AGPS: variants seen among roughly 807,000 people sequenced by gnomAD.
The protein encoded by AGPS is alkyldihydroxyacetonephosphate synthase, peroxisomal.
A neutral mutation model predicts 90.7 loss-of-function variants in AGPS; 26 were observed. The ratio of observed to expected loss-of-function variants is 0.29; its 90% CI spans 0.21 to 0.40. The LOEUF (loss-of-function observed/expected upper bound fraction) is 0.40, where lower values mean the gene tolerates loss of function less well. Among genes scored for constraint, AGPS ranks in the 10% least tolerant of loss-of-function variants. The pLI is 1.00. For missense variants in AGPS, 540 were observed against 816.1 expected (o/e 0.66, Z 4.12); for synonymous variants, 294 against 285.3 (o/e 1.03, Z -0.31).
chr2:177,471,386 C>G (rs1687620431), intron 10 of AGPS, among the ~76,000 whole-genome samples: 1 of 151,920 alleles, frequency 6.6e-6, no homozygotes, highest in African/African-American at 2.4e-5. Flanking sequence ...ATGTGTTTGT[C>G]TTGTTTTGTG....
chr2:177,414,372 T>A (rs1308320884), intron 1 of AGPS, among the ~76,000 whole-genome samples: 1 of 151,850 alleles, frequency 6.6e-6, no homozygotes, highest in Non-Finnish European at 1.5e-5. Flanking sequence ...CACCTGGCTT[T>A]TATTTTATTT....
chr2:177,489,035 G>C (rs1688174783), intron 11 of AGPS, among the ~76,000 whole-genome samples: 1 of 151,650 alleles, frequency 6.6e-6, no homozygotes, highest in Admixed American at 6.6e-5. Flanking sequence ...TGACAAGTAA[G>C]AGCTATGACT....
At chr2:177,519,316 G>A (rs1689113957) in intron 17 of AGPS, among the ~76,000 whole-genome samples, 2 of 152,000 alleles carry the variant, frequency 1.3e-5, no homozygotes, top group African/African-American at 2.4e-5. Context: ...TTCTTTGTCA[G>A]TCTCCATTTA....
At chr2:177,479,769 G>C (rs759209182) in intron 10 of AGPS, among the ~76,000 whole-genome samples, 4 of 152,342 alleles carry the variant, frequency 2.6e-5, no homozygotes, top group Non-Finnish European at 5.9e-5. Flanking sequence ...GCTAGGGTGT[G>C]GGAGTAGAAA....
chr2:177,437,173 T>A, intron 5 of AGPS, 119 bp downstream of exon 5: 2 of 963,352 alleles, frequency 2.1e-6, no homozygotes, highest in Non-Finnish European at 3.3e-6. Context: ...GCTGTATTTT[T>A]AAGAGAGTTT....
At chr2:177,517,479 A>T (rs1358764225) in intron 17 of AGPS, among the ~76,000 whole-genome samples, 9 of 152,092 alleles carry the variant, frequency 5.9e-5, no homozygotes, top group African/African-American at 2.2e-4. Flanking sequence ...CTCATATCTC[A>T]TACTTATTTC....
intron 8 of AGPS, among the ~76,000 whole-genome samples, chr2:177,450,665 G>C (rs1686910660): frequency 1.3e-5 from 2 of 151,870 alleles, no homozygotes; most frequent in Non-Finnish European, 2.9e-5. Flanking sequence ...TATACTGTTT[G>C]GATTACTATA....
chr2:177,506,219 C>CT (rs11410662), intron 15 of AGPS, among the ~76,000 whole-genome samples: 127,797 of 151,180 alleles, frequency 0.85, 54,217 homozygotes, highest in East Asian at 0.98. Flanking sequence ...GCTGGGGTTA[C>CT]TTTTTTTATT....
chr2:177,432,234 A>G (rs140560262), intron 2 of AGPS, among the ~76,000 whole-genome samples: 237 of 152,300 alleles, frequency 1.6e-3, no homozygotes, highest in African/African-American at 5.3e-3. Flanking sequence ...CTTCTATAAT[A>G]TAGTCTATTT....
intron 19 of AGPS, among the ~76,000 whole-genome samples, chr2:177,525,766 A>G (rs916349644): frequency 6.6e-6 from 1 of 152,196 alleles, no homozygotes; most frequent in African/African-American, 2.4e-5. Context: ...TGCATTACAG[A>G]GGAAAACCAA....
At chr2:177,420,768 C>T (rs974908886) in intron 2 of AGPS, among the ~76,000 whole-genome samples, 6 of 151,756 alleles carry the variant, frequency 4.0e-5, no homozygotes, top group Non-Finnish European at 8.9e-5. Flanking sequence ...ATTCCCATGC[C>T]ATTCAGTTTT....
intron 8 of AGPS, among the ~76,000 whole-genome samples, chr2:177,447,614 TA>T (rs1686817001): frequency 6.6e-6 from 1 of 150,602 alleles, no homozygotes; most frequent in African/African-American, 2.4e-5. Context: ...TTTTTTTTTT[TA>T]AAGGTTAGAA....
intron 12 of AGPS, among the ~76,000 whole-genome samples, chr2:177,496,403 T>TA (rs1688414663): frequency 6.6e-6 from 1 of 152,180 alleles, no homozygotes; most frequent in Non-Finnish European, 1.5e-5. Context: ...GTTTTGATGA[T>TA]ACGTTATTTC....
At position 177,505,516 on chromosome 2, in the gene AGPS, G is replaced by C; in HGVS notation, c.1486G>C (p.Ala496Pro). ...GTTCTTTAATTACAGTGGGTTGGCAGCTGGAGAAGATAATGGACAGAGAGG... is the reference window on the plus strand; with the variant it reads ...GTTCTTTAATTACAGTGGGTTGGCACCTGGAGAAGATAATGGACAGAGAGG... The part of the protein sequence containing the change: ...DIAAKFGGLA[A>P]GEDNGQRGYL... Residue 496 changes from alanine (A) to proline (P), a missense_variant, in exon 15 of 20, where the codon GCT becomes CCT. This residue lies in a region of AGPS where 405 missense variants were observed against 692.1 expected (regional missense o/e 0.59). Coordinates refer to ENST00000264167, the MANE Select transcript of AGPS (RefSeq NM_003659.4). 6.2e-7 allele frequency: 1 copy of C among 1,612,368 alleles called. No individual in the cohort carries two copies. The highest frequency in any genetic ancestry group is 8.5e-7 in the Non-Finnish European group (1 of 1,178,856).
At chr2:177,400,254 G>A (rs973775008) in intron 1 of AGPS, among the ~76,000 whole-genome samples, 5 of 152,120 alleles carry the variant, frequency 3.3e-5, no homozygotes, top group Non-Finnish European at 5.9e-5. Context: ...TGACCTTGCA[G>A]TGTTCACATA....
At chr2:177,446,831 G>A (rs1686790395) in intron 8 of AGPS, among the ~76,000 whole-genome samples, 1 of 152,080 alleles carries the variant, frequency 6.6e-6, no homozygotes, top group African/African-American at 2.4e-5. Flanking sequence ...GTGAATATTG[G>A]TATTCATTGA....
At chr2:177,531,151 A>G (rs187408363) in intron 19 of AGPS, among the ~76,000 whole-genome samples, 3 of 152,302 alleles carry the variant, frequency 2.0e-5, no homozygotes, top group Admixed American at 2.0e-4. Context: ...GCTGAACAAA[A>G]AAATCAGTTT....
At chr2:177,534,626 C>T (rs2079167357) in intron 19 of AGPS, among the ~76,000 whole-genome samples, 1 of 141,446 alleles carries the variant, frequency 7.1e-6, no homozygotes, top group Admixed American at 7.9e-5. Context: ...CTCGCTCTGT[C>T]ACCTGGGCTA....
chr2:177,513,085 CATTATT>C (rs10528684), intron 16 of AGPS, among the ~76,000 whole-genome samples: 4 of 149,950 alleles, frequency 2.7e-5, no homozygotes, highest in Admixed American at 1.3e-4. Context: ...TTAATTGAAT[CATTATT>C]ATTATTATTA....
Sources: gnomAD v4.1 joint callset for allele counts (sites outside exome capture counted in the v4.1 genomes callset) on GRCh38, gnomAD v4.1.1 for gene constraint, gnomAD v4.1.1 regional missense constraint, MANE v1.5 for transcripts, NCBI Gene and HGNC (gene_info 2026-07-23, HGNC 2026-07-21) for gene names.